FOXP2: variants seen among roughly 807,000 people sequenced by gnomAD.
The protein encoded by FOXP2 is forkhead box P2.
A neutral mutation model predicts 115.8 loss-of-function variants in FOXP2; 12 were observed. That is an observed-to-expected ratio of 0.10 (90% confidence interval 0.07 to 0.17). The LOEUF (loss-of-function observed/expected upper bound fraction) is 0.17. Ranked by LOEUF, FOXP2 falls within the 10% of genes least tolerant of loss-of-function variation. The pLI, the probability that FOXP2 is intolerant of heterozygous loss-of-function variation, is 1.00. For missense variants in FOXP2, 629 were observed against 843.5 expected (o/e 0.75, Z 3.15); for synonymous variants, 328 against 297.7 (o/e 1.10, Z -1.05).
intron 3 of FOXP2, among the ~76,000 whole-genome samples, chr7:114,581,850 A>G (rs1801886841): frequency 6.6e-6 from 1 of 152,196 alleles, no homozygotes; most frequent in African/African-American, 2.4e-5. Context: ...TAAAGACTGA[A>G]ATGTGGGTTT....
rs571413049 is a variant in FOXP2, at chr7:114,389,882, G to C, written c.-10-36620G>C. On this transcript the variant is annotated intron_variant, in intron 2 of 17. Coordinates refer to the FOXP2 transcript ENST00000634411. The stretch of plus-strand genomic sequence containing the variant: ...CTACTAAAAATACAAAAATTAGTTG[G>C]GCATGGTGGCATGCTCCTGTAATCC... Among the ~76,000 whole-genome samples, 12 of 151,958 alleles carry C rather than the reference G, an allele frequency of 7.9e-5. No homozygotes were observed. In the East Asian group the frequency reaches 1.7e-3, roughly 22 times the overall value.
intron 2 of FOXP2, among the ~76,000 whole-genome samples, chr7:114,396,762 C>T (rs1792755546): frequency 6.6e-6 from 1 of 151,798 alleles, no homozygotes; most frequent in South Asian, 2.1e-4. Context: ...AGCTCTACTG[C>T]ACAACATAGG....
At chr7:114,458,757 C>T (rs1795433430) in intron 2 of FOXP2, among the ~76,000 whole-genome samples, 1 of 152,000 alleles carries the variant, frequency 6.6e-6, no homozygotes, top group South Asian at 2.1e-4. Flanking sequence ...TTGCTTGACT[C>T]TTCCAAATTG....
chr7:114,539,444 C>A (rs756363300), intron 3 of FOXP2, among the ~76,000 whole-genome samples: 1 of 151,462 alleles, frequency 6.6e-6, no homozygotes, highest in East Asian at 1.9e-4. Context: ...TTAAATAGAG[C>A]GATCTATTAT....
intron 13 of FOXP2, among the ~76,000 whole-genome samples, chr7:114,660,244 G>C (rs1412189138): frequency 2.0e-5 from 3 of 152,148 alleles, no homozygotes; most frequent in African/African-American, 7.2e-5. Context: ...CAACTTCATT[G>C]TCTGAATCTT....
Position 114,135,060 on chromosome 7 carries a change from G to A in FOXP2, c.-246-27884G>A, listed in dbSNP as rs184003267. On this transcript the variant is annotated intron_variant, in intron 1 of 19. Coordinates refer to the FOXP2 transcript ENST00000635638. Reference sequence around the variant, plus strand: ...TGTCCAGTTTTTGACTATTTCATTAGGATATATTCATATAGGAAGAATTAT... The same window carrying A: ...TGTCCAGTTTTTGACTATTTCATTAAGATATATTCATATAGGAAGAATTAT... 1.7e-4 allele frequency among the ~76,000 whole-genome samples: 26 copies of A among 152,268 alleles called. No individual in the cohort carries two copies. The East Asian group carries it at 4.4e-3, about 26-fold the overall frequency.
chr7:114,574,322 A>C (rs569092065), intron 3 of FOXP2, among the ~76,000 whole-genome samples: 2 of 151,958 alleles, frequency 1.3e-5, no homozygotes, highest in African/African-American at 4.8e-5. Context: ...GGCTTTAAAA[A>C]ACGAGGGTAT....
At chr7:114,238,956 A>AG (rs1562830706) in intron 1 of FOXP2, among the ~76,000 whole-genome samples, 1,722 of 149,388 alleles carry the variant, frequency 0.012, 32 homozygotes, top group African/African-American at 0.04. Context: ...TTATAAATAT[A>AG]AAAATAATGG....
chr7:114,520,295 T>A (rs1249934553), intron 2 of FOXP2, among the ~76,000 whole-genome samples: 4 of 152,166 alleles, frequency 2.6e-5, no homozygotes, highest in African/African-American at 9.6e-5. Flanking sequence ...AATGAAGTGT[T>A]CTTCCTCACA....
chr7:114,575,763 C>A (rs1306795974), intron 3 of FOXP2, among the ~76,000 whole-genome samples: 1 of 151,842 alleles, frequency 6.6e-6, no homozygotes, highest in Admixed American at 6.6e-5. Flanking sequence ...CTACTTTTTT[C>A]TTCCTTCCTA....
At chr7:114,248,515 C>T (rs1246217368) in intron 1 of FOXP2, among the ~76,000 whole-genome samples, 1 of 152,130 alleles carries the variant, frequency 6.6e-6, no homozygotes, top group African/African-American at 2.4e-5. Flanking sequence ...TTCCTTGTGA[C>T]TGGAAAATTT....
intron 2 of FOXP2, among the ~76,000 whole-genome samples, chr7:114,314,402 C>A (rs1797223842): frequency 6.6e-6 from 1 of 151,884 alleles, no homozygotes; most frequent in African/African-American, 2.4e-5. Context: ...ATAGATGCAC[C>A]CTTGCTCTTT....
intron 2 of FOXP2, among the ~76,000 whole-genome samples, chr7:114,331,114 A>G (rs1021051964): frequency 2.0e-5 from 3 of 152,322 alleles, no homozygotes; most frequent in Admixed American, 6.5e-5. Context: ...AAATAATTGG[A>G]GTACAAATCT....
intron 2 of FOXP2, among the ~76,000 whole-genome samples, chr7:114,436,216 C>T (rs1398502740): frequency 3.3e-5 from 5 of 151,560 alleles, no homozygotes; most frequent in Non-Finnish European, 7.4e-5. Context: ...AATTTATTTT[C>T]TTTCTTGACC....
At chr7:114,143,238 G>A (rs1160763728) in intron 1 of FOXP2, among the ~76,000 whole-genome samples, 1 of 151,390 alleles carries the variant, frequency 6.6e-6, no homozygotes, top group African/African-American at 2.4e-5. Flanking sequence ...CAGTATCTCC[G>A]AAATCATTTA....
At chr7:114,193,633 C>T (rs760515195) in intron 1 of FOXP2, among the ~76,000 whole-genome samples, 4 of 151,940 alleles carry the variant, frequency 2.6e-5, no homozygotes, top group African/African-American at 4.8e-5. Flanking sequence ...CATGTCCTTA[C>T]CTAGTAAGTA....
At chr7:114,182,332 C>T (rs1419071052) in intron 1 of FOXP2, among the ~76,000 whole-genome samples, 3 of 151,760 alleles carry the variant, frequency 2.0e-5, no homozygotes, top group Non-Finnish European at 4.4e-5. Context: ...TCAATACTGT[C>T]TTTTTAAAAA....
At chr7:114,119,216 A>G (rs1018534172) in intron 1 of FOXP2, among the ~76,000 whole-genome samples, 26 of 152,148 alleles carry the variant, frequency 1.7e-4, no homozygotes, top group Admixed American at 7.9e-4. Flanking sequence ...CTAATATTCT[A>G]TCAGAAGCCG....
intron 16 of FOXP2, among the ~76,000 whole-genome samples, chr7:114,685,974 T>A (rs1489421359): frequency 6.6e-6 from 1 of 151,762 alleles, no homozygotes; most frequent in African/African-American, 2.4e-5. Flanking sequence ...ACCGGTGTTT[T>A]TTTTTTTAAA....
Sources: gnomAD v4.1 joint callset for allele counts (sites outside exome capture counted in the v4.1 genomes callset) on GRCh38, gnomAD v4.1.1 for gene constraint, MANE v1.5 for transcripts, NCBI Gene and HGNC (gene_info 2026-07-23, HGNC 2026-07-21) for gene names.